IL21R: variants seen among roughly 807,000 people sequenced by gnomAD.
IL21R encodes the protein interleukin-21 receptor.
A neutral mutation model predicts 41.3 loss-of-function variants in IL21R; 14 were observed. That is an observed-to-expected ratio of 0.34 (90% CI 0.22 to 0.53). The LOEUF (loss-of-function observed/expected upper bound fraction) is 0.53, where lower values mean the gene tolerates loss of function less well. IL21R is among the 20% of genes least tolerant of loss of function. The pLI, the probability that IL21R is intolerant of heterozygous loss-of-function variation, is 0.94. For missense variants in IL21R, 588 were observed against 681.6 expected (o/e 0.86, Z 1.53); for synonymous variants, 286 against 287.6 (o/e 0.99, Z 0.05).
chr16:27,436,542 T>C (rs3093400), intron 3 of IL21R, among the ~76,000 whole-genome samples: 69 of 152,322 alleles, frequency 4.5e-4, no homozygotes, highest in Non-Finnish European at 7.2e-4. Context: ...CACACATCCC[T>C]ACTGGGCCTA....
At chr16:27,446,768 C>G (rs1392340346) in intron 8 of IL21R, among the ~76,000 whole-genome samples, 1 of 152,088 alleles carries the variant, frequency 6.6e-6, no homozygotes, top group Non-Finnish European at 1.5e-5. Flanking sequence ...TGGAAAGAGC[C>G]TGGCCCACGG....
intron 1 of IL21R, among the ~76,000 whole-genome samples, chr16:27,423,005 A>C (rs996508645): frequency 2.6e-5 from 4 of 152,168 alleles, no homozygotes; most frequent in Non-Finnish European, 5.9e-5. Context: ...ACCAGGGCCC[A>C]TCTTTTTTTT....
intron 1 of IL21R, among the ~76,000 whole-genome samples, chr16:27,411,311 C>A (rs1480818329): frequency 6.6e-6 from 1 of 151,914 alleles, no homozygotes; most frequent in African/African-American, 2.4e-5. Context: ...TTTATAATAA[C>A]CATCCTAACA....
chr16:27,442,218 G>A (rs1353252839), intron 4 of IL21R, among the ~76,000 whole-genome samples: 1 of 149,730 alleles, frequency 6.7e-6, no homozygotes, highest in Non-Finnish European at 1.5e-5. Context: ...GTGCATGTGT[G>A]GGCATGCATG....
intron 2 of IL21R, among the ~76,000 whole-genome samples, chr16:27,431,578 G>T (rs564350276): frequency 1.3e-5 from 2 of 152,212 alleles, no homozygotes; most frequent in African/African-American, 4.8e-5. Flanking sequence ...GACATTTACT[G>T]CTCGCAGTTC....
chr16:27,427,447 G>A (rs2087098421), intron 1 of IL21R: 1 of 404,084 alleles, frequency 2.5e-6, no homozygotes, highest in South Asian at 1.0e-4. Context: ...TCAGGCTGGA[G>A]TGCAATAGTG....
At chr16:27,402,781 T>C (rs2086679700) in intron 1 of IL21R, among the ~76,000 whole-genome samples, 163 bp downstream of exon 1, 1 of 152,120 alleles carries the variant, frequency 6.6e-6, no homozygotes, top group South Asian at 2.1e-4. Context: ...GCAGTGAGGC[T>C]GGGCAGAAAT....
chr16:27,429,875 T>A (rs1485407186), intron 1 of IL21R, among the ~76,000 whole-genome samples, 181 bp from the exon 2 acceptor site: 1 of 152,142 alleles, frequency 6.6e-6, no homozygotes, highest in Non-Finnish European at 1.5e-5. Context: ...TTGGGGTGAA[T>A]CTGCCATTTC....
chr16:27,445,770 A>AGCCTGT (rs2087464935), intron 7 of IL21R, among the ~76,000 whole-genome samples: 2 of 152,232 alleles, frequency 1.3e-5, no homozygotes, highest in Non-Finnish European at 2.9e-5. Flanking sequence ...ACATTTGCCC[A>AGCCTGT]GCACGCAACA....
At chr16:27,429,538 G>A (rs1423771601) in intron 1 of IL21R, among the ~76,000 whole-genome samples, 5 of 152,114 alleles carry the variant, frequency 3.3e-5, no homozygotes, top group South Asian at 2.1e-4. Context: ...TTGAGAGGCC[G>A]AGGTAGGAGG....
At chr16:27,429,318 C>G (rs1424098195) in intron 1 of IL21R, among the ~76,000 whole-genome samples, 2 of 152,168 alleles carry the variant, frequency 1.3e-5, no homozygotes, top group African/African-American at 4.8e-5. Flanking sequence ...AGCAGATCCC[C>G]CTTTCCAAAC....
intron 1 of IL21R, among the ~76,000 whole-genome samples, chr16:27,411,506 A>G (rs1596566406): frequency 8.5e-6 from 1 of 117,278 alleles, no homozygotes; most frequent in Non-Finnish European, 1.6e-5. Context: ...TCTGTTGCCC[A>G]GGCTGGAGTG....
intron 1 of IL21R, among the ~76,000 whole-genome samples, chr16:27,424,550 CA>C (rs111439864): frequency 0.037 from 5,670 of 152,210 alleles, 200 homozygotes; most frequent in African/African-American, 0.087. Flanking sequence ...TACAGGACTT[CA>C]AATTCGATGA....
chr16:27,449,211 C>G lies in IL21R; in HGVS notation c.1545C>G (p.Pro515=), dbSNP rs74016079. The change falls in exon 9 of 9, where the codon CCC becomes CCG. Residue 515 remains proline (P), a synonymous_variant. Coordinates refer to ENST00000337929, the MANE Select transcript of IL21R (RefSeq NM_181078.3). ...CDFTSPGDEG[P]PRSYLRQWVV... ...TCACCAGCCCCGGGGACGAAGGACC[C>G]CCCCGGAGCTACCTCCGCCAGTGGG... 762 of 1,612,928 alleles carry G rather than the reference C, an allele frequency of 4.7e-4. 6 individuals are homozygous for G. The African/African-American group carries it at 9.3e-3, about 20-fold the overall frequency.
intron 3 of IL21R, 75 bp downstream of exon 3, chr16:27,434,524 CTG>C: frequency 1.1e-6 from 1 of 924,192 alleles, no homozygotes; most frequent in East Asian, 2.6e-5. Context: ...CAGGAGGACA[CTG>C]TGCACTGAGG....
At chr16:27,428,002 A>G (rs2087106522) in intron 1 of IL21R, among the ~76,000 whole-genome samples, 1 of 152,242 alleles carries the variant, frequency 6.6e-6, no homozygotes, top group Non-Finnish European at 1.5e-5. Context: ...TATTAAAATA[A>G]ACAACAGTGC....
At chr16:27,418,016 TTTTA>T (rs2086918200) in intron 1 of IL21R, among the ~76,000 whole-genome samples, 1 of 49,968 alleles carries the variant, frequency 2.0e-5, no homozygotes, top group Non-Finnish European at 4.0e-5. Context: ...ATTTTATTTA[TTTTA>T]TTTTATTTTA....
chr16:27,408,770 A>G (rs768817198), intron 1 of IL21R, among the ~76,000 whole-genome samples: 7 of 151,858 alleles, frequency 4.6e-5, no homozygotes, highest in Non-Finnish European at 1.0e-4. Flanking sequence ...TTTTACTTTT[A>G]CCACACTACC....
chr16:27,445,115 C>G, intron 6 of IL21R, 62 bp from the exon 7 acceptor site: 1 of 1,209,576 alleles, frequency 8.3e-7, no homozygotes, highest in Non-Finnish European at 1.2e-6. Flanking sequence ...CCCACCATGC[C>G]CACCCCATAT....
Sources: allele counts gnomAD v4.1 joint callset (sites outside exome capture counted in the v4.1 genomes callset), GRCh38; gene constraint gnomAD v4.1.1; transcripts MANE v1.5; gene names NCBI Gene and HGNC (gene_info 2026-07-23, HGNC 2026-07-21).